Variants in LRRC3B observed in about 807,000 individuals in gnomAD.
The protein encoded by LRRC3B is leucine-rich repeat-containing protein 3B.
A neutral mutation model predicts 12.8 loss-of-function variants in LRRC3B; 2 were observed. The ratio of observed to expected loss-of-function variants is 0.16; its 90% CI spans 0.06 to 0.49. The LOEUF is 0.49. Among genes scored for constraint, LRRC3B ranks in the 20% least tolerant of loss-of-function variants. The pLI, the probability that LRRC3B is intolerant of heterozygous loss-of-function variation, is 0.96. For missense variants in LRRC3B, 189 were observed against 319.4 expected, an observed-to-expected ratio of 0.59 and a Z score of 3.11; for synonymous variants, 132 against 122.0, an observed-to-expected ratio of 1.08 and a Z score of -0.54.
intron 1 of LRRC3B, among the ~76,000 whole-genome samples, chr3:26,705,183 G>GT (rs555688861): frequency 2.0e-5 from 3 of 152,092 alleles, no homozygotes; most frequent in Non-Finnish European, 4.4e-5. Flanking sequence ...AAATGCACTG[G>GT]TTTTTTTCTT....
At chr3:26,667,876 T>C (rs1235492490) in intron 1 of LRRC3B, among the ~76,000 whole-genome samples, 3 of 151,974 alleles carry the variant, frequency 2.0e-5, no homozygotes, top group South Asian at 2.1e-4. Flanking sequence ...ATACAGATCA[T>C]TGGATTACCA....
intron 1 of LRRC3B, among the ~76,000 whole-genome samples, chr3:26,641,930 A>G (rs1046228358): frequency 2.0e-5 from 3 of 152,230 alleles, no homozygotes; most frequent in Non-Finnish European, 4.4e-5. Flanking sequence ...TCACCATATT[A>G]AAAATTAAAA....
Position 26,636,930 on chromosome 3 carries a change from CTT to C in LRRC3B, c.-161+13695_-161+13696del, listed in dbSNP as rs755473804. On this transcript the variant is annotated intron_variant, in intron 1 of 1. Transcript: ENST00000396641. ...TCTCTCTTTCTCTCTTTCTTTCTTT[CTT>C]TCTTTCTTTCTTTCTTTCTTTCTTT... Among the ~76,000 whole-genome samples the C allele has an allele frequency of 3.1e-3, 300 of 97,136 alleles. 1 individual carries two copies. The highest frequency in any genetic ancestry group is 4.9e-3 in the Non-Finnish European group (263 of 53,484). 63.7% of individuals were successfully genotyped at this position (97,136 alleles called of 152,430 possible).
At chr3:26,642,423 A>G (rs538093282) in intron 1 of LRRC3B, among the ~76,000 whole-genome samples, 26 of 152,310 alleles carry the variant, frequency 1.7e-4, no homozygotes, top group Middle Eastern at 3.4e-3. Flanking sequence ...ACCAAGGTGT[A>G]TCTTCAGGAA....
rs1699159506 is a variant in LRRC3B at position 26,646,761 on chromosome 3, T to G, written c.-161+23524T>G. Among the ~76,000 whole-genome samples, 5 of 152,116 alleles carry G rather than the reference T, an allele frequency of 3.3e-5. No homozygotes were observed. In the South Asian group the frequency reaches 1.0e-3, roughly 32 times the overall value. On this transcript the variant is annotated intron_variant, in intron 1 of 1. Coordinates refer to ENST00000396641, the Ensembl canonical transcript of LRRC3B. ...TAATGTTTTTTCTATTTCCCCTGTT[T>G]CCACCTGTGTGAACCAAAGCTAGCC...
intron 1 of LRRC3B, among the ~76,000 whole-genome samples, chr3:26,677,339 A>C (rs1699881394): frequency 6.6e-6 from 1 of 152,156 alleles, no homozygotes; most frequent in African/African-American, 2.4e-5. Context: ...TACTTCCCAT[A>C]ATGTTTCATA....
chr3:26,672,592 A>G (rs566402792), intron 1 of LRRC3B, among the ~76,000 whole-genome samples: 3 of 152,200 alleles, frequency 2.0e-5, no homozygotes, highest in Non-Finnish European at 4.4e-5. Flanking sequence ...TAGTCAGCCT[A>G]AGGGTAATAA....
intron 1 of LRRC3B, among the ~76,000 whole-genome samples, chr3:26,644,241 G>A (rs1699095453): frequency 6.6e-6 from 1 of 152,242 alleles, no homozygotes; most frequent in Non-Finnish European, 1.5e-5. Flanking sequence ...TGACTAATAT[G>A]TGGGAAGCAC....
At chr3:26,656,776 A>G (rs193278349) in intron 1 of LRRC3B, among the ~76,000 whole-genome samples, 6 of 152,308 alleles carry the variant, frequency 3.9e-5, no homozygotes, top group Non-Finnish European at 2.9e-5. Flanking sequence ...ATCAGAATCA[A>G]TGGCTCCTGT....
At chr3:26,662,524 T>C (rs983934677) in intron 1 of LRRC3B, among the ~76,000 whole-genome samples, 4 of 152,050 alleles carry the variant, frequency 2.6e-5, no homozygotes, top group African/African-American at 9.7e-5. Context: ...ACTACAACAT[T>C]GTCCATTCTG....
intron 1 of LRRC3B, among the ~76,000 whole-genome samples, chr3:26,708,526 C>G (rs1313173429): frequency 6.6e-6 from 1 of 152,174 alleles, no homozygotes; most frequent in Non-Finnish European, 1.5e-5. Context: ...CCTCATCTCT[C>G]TGGGATCCAC....
chr3:26,666,988 A>G (rs999453339), intron 1 of LRRC3B, among the ~76,000 whole-genome samples: 2 of 152,132 alleles, frequency 1.3e-5, no homozygotes, highest in African/African-American at 4.8e-5. Context: ...ACAACTAACA[A>G]CTTTTGCCAG....
In LRRC3B at chr3:26,701,571, C is replaced by T. The variant is rs913681517; in HGVS notation, c.-160-7942C>T. On this transcript the variant is annotated intron_variant, in intron 1 of 1. Transcript: ENST00000396641. Reference sequence around the variant, plus strand: ...TGAAAATCTCTTCCCCTCTAGTGACCGCATTTGACCTATAGGAAATAGTTT... The same window carrying T: ...TGAAAATCTCTTCCCCTCTAGTGACTGCATTTGACCTATAGGAAATAGTTT... Among the ~76,000 whole-genome samples, 6 of 152,030 alleles carry T rather than the reference C, an allele frequency of 3.9e-5. No individual in the cohort carries two copies. The East Asian group carries it at 5.8e-4, about 15-fold the overall frequency.
chr3:26,625,467 C>T (rs1478066414), intron 1 of LRRC3B: 1 of 152,254 alleles, frequency 6.6e-6, no homozygotes, highest in East Asian at 1.9e-4. Context: ...CAGACCAGGC[C>T]TGGTGAGAGA....
rs548066104 is a variant in LRRC3B at position 26,677,074 on chromosome 3, C to T, written c.-160-32439C>T. On this transcript the variant is annotated intron_variant, in intron 1 of 1. Transcript: ENST00000396641. The stretch of plus-strand genomic sequence containing the variant: ...ACATTCTTATTCTAGCTCCATCAGT[C>T]ATGAGTCAAGAAGGTGAGTCATCAA... 5.3e-5 allele frequency among the ~76,000 whole-genome samples: 8 copies of T among 152,222 alleles called. 1 individual carries two copies. The South Asian group carries it at 1.7e-3, about 32-fold the overall frequency.
intron 1 of LRRC3B, among the ~76,000 whole-genome samples, chr3:26,670,699 C>T: frequency 6.6e-6 from 1 of 152,114 alleles, no homozygotes; most frequent in East Asian, 1.9e-4. Context: ...AACTGTGTGA[C>T]CTTGAACAAG....
intron 1 of LRRC3B, among the ~76,000 whole-genome samples, chr3:26,647,642 C>G (rs554887452): frequency 6.6e-6 from 1 of 152,324 alleles, no homozygotes; most frequent in South Asian, 2.1e-4. Flanking sequence ...TTATGCATCA[C>G]TCTAAAGATA....
At chr3:26,684,575 C>T (rs1700033783) in intron 1 of LRRC3B, among the ~76,000 whole-genome samples, 1 of 152,158 alleles carries the variant, frequency 6.6e-6, no homozygotes, top group Admixed American at 6.5e-5. Context: ...TAGGTGCTGG[C>T]ATCTTGCAAG....
chr3:26,663,409 G>T (rs1450312722), intron 1 of LRRC3B, among the ~76,000 whole-genome samples: 4 of 151,880 alleles, frequency 2.6e-5, no homozygotes, highest in African/African-American at 9.7e-5. Context: ...TCTTTTAAGA[G>T]AATTTTGTTA....
Sources: allele counts gnomAD v4.1 joint callset (sites outside exome capture counted in the v4.1 genomes callset), GRCh38; gene constraint gnomAD v4.1.1; transcripts MANE v1.5; gene names NCBI Gene and HGNC (gene_info 2026-07-23, HGNC 2026-07-21).